The following RNF150 variants were observed in gnomAD, a reference collection of about 807,000 sequenced individuals.
RNF150 encodes the protein ring finger protein 150.
RNF150 carries 24 observed loss-of-function variants against 39.3 expected under a neutral mutation model. The observed-to-expected ratio is 0.61, with a 90% CI of 0.44 to 0.86. The LOEUF is 0.86. RNF150 is among the 40% of genes least tolerant of loss of function. The probability of loss-of-function intolerance (pLI) is 0.00; values close to 1 mark genes in which losing one functional copy is unlikely to be tolerated. For synonymous variants in RNF150, 255 were observed against 227.3 expected, an observed-to-expected ratio of 1.12 and a Z score of -1.10; for missense variants, 502 against 587.8, an observed-to-expected ratio of 0.85 and a Z score of 1.51.
chr4:141,042,524 A>G (rs1736410753), intron 1 of RNF150, among the ~76,000 whole-genome samples: 1 of 152,100 alleles, frequency 6.6e-6, no homozygotes, highest in Admixed American at 6.6e-5. Context: ...CTGAAAAAAA[A>G]TGCAATTTAG....
intron 6 of RNF150, among the ~76,000 whole-genome samples, chr4:140,881,763 C>T (rs571041577): frequency 1.3e-5 from 2 of 152,158 alleles, no homozygotes; most frequent in East Asian, 1.9e-4. Context: ...TACCTGCAGT[C>T]CCAGCTACTC....
chr4:141,092,630 G>T (rs1379604883), intron 1 of RNF150, among the ~76,000 whole-genome samples: 1 of 151,818 alleles, frequency 6.6e-6, no homozygotes, highest in Non-Finnish European at 1.5e-5. Context: ...CCACTTTATA[G>T]ACCAGAAAAT....
chr4:140,989,914 A>G (rs549625846), intron 1 of RNF150, among the ~76,000 whole-genome samples: 2 of 152,350 alleles, frequency 1.3e-5, no homozygotes, highest in Admixed American at 1.3e-4. Context: ...TCTTGTTCAG[A>G]GAGACACTTG....
intron 4 of RNF150, among the ~76,000 whole-genome samples, chr4:140,934,258 C>T (rs1219138531): frequency 2.0e-5 from 3 of 152,170 alleles, no homozygotes; most frequent in African/African-American, 7.2e-5. Flanking sequence ...GATCCACCAC[C>T]GTGGCCTCCC....
At chr4:141,002,081 AT>A (rs1315147809) in intron 1 of RNF150, among the ~76,000 whole-genome samples, 1 of 152,156 alleles carries the variant, frequency 6.6e-6, no homozygotes, top group Non-Finnish European at 1.5e-5. Flanking sequence ...ACCTGAAATC[AT>A]TTCATGGTAT....
At chr4:140,957,658 C>A (rs1732821401) in intron 2 of RNF150, among the ~76,000 whole-genome samples, 1 of 151,680 alleles carries the variant, frequency 6.6e-6, no homozygotes, top group African/African-American at 2.4e-5. Flanking sequence ...CCCAAATGTC[C>A]AACAATGATA....
intron 1 of RNF150, among the ~76,000 whole-genome samples, chr4:141,199,833 A>G (rs2111214721): frequency 6.6e-6 from 1 of 152,354 alleles, no homozygotes; most frequent in East Asian, 1.9e-4. Flanking sequence ...TTAAAAATGA[A>G]AACAGTAGAA....
At chr4:141,127,217 G>A (rs537575581) in intron 1 of RNF150, among the ~76,000 whole-genome samples, 3 of 152,256 alleles carry the variant, frequency 2.0e-5, no homozygotes, top group Admixed American at 6.5e-5. Flanking sequence ...TCTATCAAAC[G>A]GAGACAGTAA....
intron 1 of RNF150, among the ~76,000 whole-genome samples, chr4:141,084,236 T>C (rs1423536201): frequency 6.6e-6 from 1 of 152,194 alleles, no homozygotes; most frequent in Non-Finnish European, 1.5e-5. Flanking sequence ...ACTGAAAACA[T>C]TTTCTTATAA....
intron 1 of RNF150, among the ~76,000 whole-genome samples, chr4:141,143,140 G>A (rs891349727): frequency 2.0e-5 from 3 of 152,130 alleles, no homozygotes; most frequent in Admixed American, 6.5e-5. Context: ...AAAGTGCTGA[G>A]ATTGCAGGCG....
At chr4:141,025,843 C>T (rs1326003171) in intron 1 of RNF150, among the ~76,000 whole-genome samples, 1 of 152,098 alleles carries the variant, frequency 6.6e-6, no homozygotes. Context: ...GTACTACAGA[C>T]TGAATGTTTG....
At chr4:141,004,902 C>T (rs1190639535) in intron 1 of RNF150, among the ~76,000 whole-genome samples, 3 of 152,082 alleles carry the variant, frequency 2.0e-5, no homozygotes, top group African/African-American at 7.2e-5. Flanking sequence ...TGGATTATTT[C>T]CTTTTTTATT....
chr4:140,996,541 C>G (rs1734384699), intron 1 of RNF150, among the ~76,000 whole-genome samples: 1 of 152,180 alleles, frequency 6.6e-6, no homozygotes. Flanking sequence ...AGCTTCTTCA[C>G]CTCTGTGCTA....
At chr4:140,883,402 T>A (rs370417610) in intron 6 of RNF150, among the ~76,000 whole-genome samples, 1 of 152,208 alleles carries the variant, frequency 6.6e-6, no homozygotes, top group Non-Finnish European at 1.5e-5. Flanking sequence ...TGTGTTACTA[T>A]CTAATGTTCT....
intron 2 of RNF150, among the ~76,000 whole-genome samples, chr4:140,954,987 T>G (rs112017069): frequency 0.022 from 3,284 of 152,302 alleles, 65 homozygotes; most frequent in African/African-American, 0.049. Flanking sequence ...ATTGTCATCA[T>G]CACCAAATGG....
At chr4:140,971,720 C>A (rs754552456) in intron 1 of RNF150, among the ~76,000 whole-genome samples, 1 of 152,058 alleles carries the variant, frequency 6.6e-6, no homozygotes, top group Non-Finnish European at 1.5e-5. Flanking sequence ...TTGGTATATG[C>A]AGATTAATAA....
At chr4:141,090,444 G>A (rs1439452882) in intron 1 of RNF150, among the ~76,000 whole-genome samples, 1 of 152,066 alleles carries the variant, frequency 6.6e-6, no homozygotes, top group African/African-American at 2.4e-5. Flanking sequence ...AATTTAATGA[G>A]ATAGATGGGA....
intron 1 of RNF150, among the ~76,000 whole-genome samples, chr4:141,148,755 A>G (rs1355256657): frequency 6.6e-6 from 1 of 152,110 alleles, no homozygotes; most frequent in Non-Finnish European, 1.5e-5. Context: ...TCACTCTTAA[A>G]TGGTACCACG....
At chr4:141,036,520 C>T (rs776540014) in intron 1 of RNF150, among the ~76,000 whole-genome samples, 7 of 152,256 alleles carry the variant, frequency 4.6e-5, no homozygotes, top group Admixed American at 3.9e-4. Flanking sequence ...TGTATACTCA[C>T]GGAACGACTC....
Sources: gnomAD v4.1 joint callset for allele counts (sites outside exome capture counted in the v4.1 genomes callset) on GRCh38, gnomAD v4.1.1 for gene constraint, MANE v1.5 for transcripts, NCBI Gene and HGNC (gene_info 2026-07-23, HGNC 2026-07-21) for gene names.